Variants in ZNF568 observed in about 807,000 individuals in gnomAD.
The protein encoded by ZNF568 is p53 inhibitor of SCO2 activation.
Under a neutral mutation model 18.1 loss-of-function variants are expected in ZNF568, and 11 were observed. That is an observed-to-expected ratio of 0.61 (90% confidence interval 0.38 to 1.00). ZNF568 has a LOEUF of 1.00. ZNF568 is among the 50% of genes least tolerant of loss of function. The probability of loss-of-function intolerance (pLI) is 0.01; values close to 1 mark genes in which losing one functional copy is unlikely to be tolerated. For synonymous variants in ZNF568, 213 were observed against 246.6 expected, an observed-to-expected ratio of 0.86 and a Z score of 1.28; for missense variants, 639 against 768.2, an observed-to-expected ratio of 0.83 and a Z score of 1.99.
chr19:36,923,237 T>A (rs2073488147), intron 3 of ZNF568, among the ~76,000 whole-genome samples: 2 of 152,204 alleles, frequency 1.3e-5, no homozygotes, highest in Non-Finnish European at 2.9e-5. Context: ...TTCTCAGTTT[T>A]AGATATTTCC....
downstream of ZNF568, chr19:36,997,324 C>A (rs267605447): frequency 1.3e-6 from 2 of 1,599,976 alleles, no homozygotes; most frequent in Non-Finnish European, 1.7e-6. Context: ...GAAGTCCTTT[C>A]GTCGTGGCTC....
At position 36,916,549 on chromosome 19, in the gene ZNF568, G is replaced by C. The variant is rs2073336175; in HGVS notation, c.-298G>C. The C allele has an allele frequency of 6.6e-6, 1 of 152,456 alleles. No individual in the cohort carries two copies. The highest frequency in any genetic ancestry group is 2.4e-5 in the African/African-American group (1 of 41,466). The allele number at this position is 152,456 out of a possible 1,614,324, so 9.4% of individuals were successfully genotyped here. On this transcript the variant is annotated 5_prime_UTR_variant, in exon 1 of 7. Transcript: ENST00000333987. The surrounding 1 kb of genome is among the most constrained non-coding windows in gnomAD (Gnocchi z 5.3). ...ACACGGATCCTCTAAGGCCCAGAGT[G>C]TCCCGAGTAGCGGCAGTGGGGAGTG... is the stretch of plus-strand genomic sequence containing the variant.
intron 4 of ZNF568, among the ~76,000 whole-genome samples, chr19:36,927,844 A>ATGTG (rs367925001): frequency 4.2e-3 from 354 of 83,618 alleles, no homozygotes; most frequent in Middle Eastern, 0.016. Flanking sequence ...ATAAAGATAT[A>ATGTG]TGTGTGTGTG....
At chr19:36,934,304 C>CTT (rs201377492) in intron 4 of ZNF568, among the ~76,000 whole-genome samples, 2 of 128,902 alleles carry the variant, frequency 1.6e-5, no homozygotes, top group African/African-American at 5.7e-5. Flanking sequence ...CTTCTAGTAT[C>CTT]TTTTTTTTTT....
intron 6 of ZNF568, among the ~76,000 whole-genome samples, chr19:36,957,991 G>C (rs1025641303): frequency 6.6e-6 from 1 of 152,054 alleles, no homozygotes; most frequent in Non-Finnish European, 1.5e-5. Context: ...ATTGGGTGTT[G>C]GATTTTTGTC....
Position 36,934,540 on chromosome 19 carries a change from T to C in ZNF568, c.136-2206T>C, listed in dbSNP as rs10420826. ...TTTTACCATGTTGCTCAGGCTGGTCTTGAACTCCTGGGCTCAAGCAATCCG... is the reference window on the plus strand; with the variant it reads ...TTTTACCATGTTGCTCAGGCTGGTCCTGAACTCCTGGGCTCAAGCAATCCG... On this transcript the variant is annotated intron_variant, in intron 4 of 6. Transcript: ENST00000333987. 3.2e-3 allele frequency among the ~76,000 whole-genome samples: 483 copies of C among 152,278 alleles called. 5 individuals carry two copies. Among genetic ancestry groups the C allele is most frequent in the African/African-American group, 0.011 (454 of 41,562 alleles).
At chr19:36,964,607 G>C (rs1390628721) in intron 6 of ZNF568, among the ~76,000 whole-genome samples, 1 of 152,144 alleles carries the variant, frequency 6.6e-6, no homozygotes, top group Non-Finnish European at 1.5e-5. Flanking sequence ...GAGCCCAGGA[G>C]TTCGAGACCA....
intron 6 of ZNF568, among the ~76,000 whole-genome samples, chr19:36,948,658 ATTTTTTTTTT>A (rs4069585): frequency 0.014 from 1,177 of 83,580 alleles, 40 homozygotes; most frequent in African/African-American, 0.053. Flanking sequence ...TTTGTTGTTG[ATTTTTTTTTT>A]TTTTTTTTTT....
chr19:36,962,764 G>C (rs1488537662), intron 6 of ZNF568, among the ~76,000 whole-genome samples: 1 of 151,892 alleles, frequency 6.6e-6, no homozygotes, highest in Non-Finnish European at 1.5e-5. Flanking sequence ...TTCTTGGCTA[G>C]TTTTCTTTTT....
chr19:36,953,450 G>A (rs1029991550), downstream of ZNF568, among the ~76,000 whole-genome samples: 1 of 152,110 alleles, frequency 6.6e-6, no homozygotes, highest in Non-Finnish European at 1.5e-5. Context: ...GTTTTGGTTG[G>A]AAATGGTGGT....
At chr19:36,987,898 C>A (rs535211678) in intron 2 of ZNF568, among the ~76,000 whole-genome samples, 1 of 149,354 alleles carries the variant, frequency 6.7e-6, no homozygotes, top group Non-Finnish European at 1.5e-5. Flanking sequence ...ATTCTCAGGC[C>A]TTTGGGGACC....
chr19:36,925,071 A>C, intron 3 of ZNF568, 129 bp from the exon 4 acceptor site: 1 of 726,536 alleles, frequency 1.4e-6, no homozygotes, highest in Non-Finnish European at 2.4e-6. Context: ...GCTAGATGGC[A>C]GTTAACATTT....
intron 6 of ZNF568, among the ~76,000 whole-genome samples, chr19:36,962,589 C>G (rs1257113268): frequency 6.6e-6 from 1 of 152,064 alleles, no homozygotes; most frequent in Non-Finnish European, 1.5e-5. Context: ...GATCCACCCG[C>G]TTCGACCTCC....
At chr19:36,994,166 C>T (rs185517909) in intron 4 of ZNF568, among the ~76,000 whole-genome samples, 4 of 151,912 alleles carry the variant, frequency 2.6e-5, no homozygotes, top group African/African-American at 4.8e-5. Flanking sequence ...TTCTTTAACA[C>T]GTTGGTTATT....
At position 36,952,182 on chromosome 19, in the gene ZNF568, C is replaced by A; in HGVS notation, c.*1094C>A. 3 of 421,716 alleles carry A rather than the reference C, an allele frequency of 7.1e-6. No homozygotes were observed. Among genetic ancestry groups the A allele is most frequent in the Non-Finnish European group, 9.5e-6 (3 of 316,412 alleles). 26.1% of individuals were successfully genotyped at this position (421,716 alleles called of 1,614,324 possible). A position where few individuals can be genotyped will look rare whatever the true frequency, so the allele number is the denominator to read the frequency against. On this transcript the variant is annotated 3_prime_UTR_variant, in exon 7 of 7. Transcript: ENST00000333987. ...GTATAGCCAGATGCAGTGGCACATGCCTGTAATCCCAGCTACTTGGGAGGC... is the reference window on the plus strand; with the variant it reads ...GTATAGCCAGATGCAGTGGCACATGACTGTAATCCCAGCTACTTGGGAGGC...
chr19:36,933,159 T>TG, intron 4 of ZNF568, among the ~76,000 whole-genome samples: 1 of 151,838 alleles, frequency 6.6e-6, no homozygotes, highest in Admixed American at 6.6e-5. Flanking sequence ...TTTTTTTTTT[T>TG]TAAGCTCTTA....
intron 7 of ZNF568, among the ~76,000 whole-genome samples, chr19:36,977,612 G>A (rs1205722443): frequency 6.6e-6 from 1 of 152,086 alleles, no homozygotes; most frequent in Admixed American, 6.5e-5. Flanking sequence ...CATTACTGTA[G>A]AGGCCAAAAC....
intron 4 of ZNF568, among the ~76,000 whole-genome samples, chr19:36,935,127 G>A (rs2073766651): frequency 6.6e-6 from 1 of 152,064 alleles, no homozygotes; most frequent in Non-Finnish European, 1.5e-5. Flanking sequence ...TTCTATCTTG[G>A]AGAGTGCTCT....
chr19:36,997,481 G>A, downstream of ZNF568: 1 of 1,588,402 alleles, frequency 6.3e-7, no homozygotes, highest in Non-Finnish European at 8.5e-7. Flanking sequence ...AAGGAATGTG[G>A]GAAGGCTTTC....
Sources: allele counts gnomAD v4.1 joint callset (sites outside exome capture counted in the v4.1 genomes callset), GRCh38; gene constraint gnomAD v4.1.1; non-coding constraint Gnocchi (gnomAD v3.1); transcripts MANE v1.5; gene names NCBI Gene and HGNC (gene_info 2026-07-23, HGNC 2026-07-21).